Variants in PKN3 observed in about 807,000 individuals in gnomAD.
The protein encoded by PKN3 is serine/threonine-protein kinase N3.
A neutral mutation model predicts 113.1 loss-of-function variants in PKN3; 91 were observed. The observed-to-expected ratio is 0.80, with a 90% CI of 0.68 to 0.96. The LOEUF (loss-of-function observed/expected upper bound fraction) is 0.96. PKN3 is among the 40% of genes least tolerant of loss of function. PKN3 has a pLI of 0.00. For synonymous variants in PKN3, 467 were observed against 499.0 expected (o/e 0.94, Z 0.85); for missense variants, 1,052 against 1,202.2 (o/e 0.88, Z 1.85).
chr9:128,714,366 G>A lies in PKN3; in HGVS notation c.1481+1G>A. 1.3e-6 allele frequency: 2 copies of A among 1,598,318 alleles called. No homozygotes were observed. Among genetic ancestry groups the A allele is most frequent in the Non-Finnish European group, 1.7e-6 (2 of 1,171,110 alleles). ...AGGCCTCTGACCCTGCCACTCCCAG[G>A]TGAGGAGCTCCCTTGCCCTAGACTG... On this transcript the variant is annotated splice_donor_variant, in intron 11 of 21. Transcript: ENST00000291906. LOFTEE classifies it high-confidence loss of function.
At position 128,715,027 on chromosome 9, in the gene PKN3, G is replaced by A. The variant is rs1862299374; in HGVS notation, c.1653-145G>A. 9 of 1,058,892 alleles carry A rather than the reference G, an allele frequency of 8.5e-6. No individual in the cohort carries two copies. The highest frequency in any genetic ancestry group is 1.9e-5 in the Admixed American group (1 of 53,294). 65.6% of individuals were successfully genotyped at this position (1,058,892 alleles called of 1,614,324 possible). On this transcript the variant is annotated intron_variant, in intron 13 of 21. Coordinates refer to ENST00000291906, the MANE Select transcript of PKN3 (RefSeq NM_013355.5). This position sits in a 1 kb window ranked among gnomAD's most constrained non-coding sequence, Gnocchi z 4.1. ...CATTATTGAGCTCCAGCTCTATGCC[G>A]GCTTCTAGGAGTCCTTACTGCAGGG...
chr9:128,718,972 TG>T (rs1167128167), intron 18 of PKN3, among the ~76,000 whole-genome samples: 1 of 146,942 alleles, frequency 6.8e-6, no homozygotes, highest in Non-Finnish European at 1.5e-5. Context: ...CTCGGCTCAC[TG>T]CAGCCTCCAC....
chr9:128,703,589 T>A, intron 1 of PKN3: 1 of 985,272 alleles, frequency 1.0e-6, no homozygotes, highest in Non-Finnish European at 1.2e-6. Flanking sequence ...GGAGAGGTGG[T>A]GTCCTGTTCC....
At chr9:128,718,228 A>ATCC in intron 16 of PKN3, 97 bp from the exon 17 acceptor site, 1 of 898,722 alleles carries the variant, frequency 1.1e-6, no homozygotes, top group Non-Finnish European at 1.9e-6. Context: ...TGGCCGGGAC[A>ATCC]TCCGGGATCC....
Position 128,718,630 on chromosome 9 carries a change from G to T in PKN3, c.2125+5G>T. 1 of 1,613,806 alleles carries T rather than the reference G, an allele frequency of 6.2e-7. No individual in the cohort carries two copies. The highest frequency in any genetic ancestry group is 8.5e-7 in the Non-Finnish European group (1 of 1,179,822). ...ACTTTGGACTCTGCAAGGAAGGTGG[G>T]GGCCGCCCATTGGGATCCATATCTC... On this transcript the variant is annotated splice_donor_5th_base_variant and intron_variant, in intron 18 of 21. Coordinates refer to ENST00000291906, the MANE Select transcript of PKN3 (RefSeq NM_013355.5).
rs758615201 is a variant in PKN3 at position 128,715,500 on chromosome 9, T to G, written c.1808+40T>G. 2 of 1,511,086 alleles carry G rather than the reference T, an allele frequency of 1.3e-6. No individual in the cohort carries two copies. Among genetic ancestry groups the G allele is most frequent in the Admixed American group, 3.4e-5 (2 of 59,396 alleles). The allele number at this position is 1,511,086 out of a possible 1,614,324, so 93.6% of individuals were successfully genotyped here. ...CGCAGGGCACCCAGGATGGCTGGCCTGGGCTGTGGCATCCAGAGGGCAGTT... is the reference window on the plus strand; with the variant it reads ...CGCAGGGCACCCAGGATGGCTGGCCGGGGCTGTGGCATCCAGAGGGCAGTT... On this transcript the variant is annotated intron_variant, in intron 15 of 21. Transcript: ENST00000291906. The surrounding 1 kb of genome is among the most constrained non-coding windows in gnomAD (Gnocchi z 4.1).
rs747170999 is a variant in PKN3, at chr9:128,718,368, GAGA to G, written c.2036_2038del (p.Lys679del). 26 of 1,604,336 alleles carry G rather than the reference GAGA, an allele frequency of 1.6e-5. No homozygotes were observed. The highest frequency in any genetic ancestry group is 8.4e-5 in the Admixed American group (5 of 59,682). On this transcript the variant is annotated inframe_deletion, in exon 17 of 22. Transcript: ENST00000291906. The stretch of plus-strand genomic sequence containing the variant: ...TGTCCTGGGGCTGCAGTTCTTACAC[GAGA>G]AGAAGATCATTTACAGGTGACTTTT...
chr9:128,716,714 C>G, intron 15 of PKN3, 33 bp from the exon 16 acceptor site: 274 of 1,572,368 alleles, frequency 1.7e-4, no homozygotes, highest in Non-Finnish European at 2.2e-4. Flanking sequence ...GGAAAGTTTT[C>G]CTTCCCTCTA....
At position 128,720,194 on chromosome 9, in the gene PKN3, A is replaced by G. The variant is rs1862491724; in HGVS notation, c.2377-9A>G. The G allele has an allele frequency of 6.2e-7, 1 of 1,612,980 alleles. No homozygotes were observed. The highest frequency in any genetic ancestry group is 1.1e-5 in the South Asian group (1 of 90,970). On this transcript the variant is annotated splice_polypyrimidine_tract_variant and intron_variant, in intron 20 of 21. Transcript: ENST00000291906. The surrounding 1 kb of genome is among the most constrained non-coding windows in gnomAD (Gnocchi z 5.5). ...AATGCCCTAAGTGAGCGCCTGTCCTATTGCCCAGCTCCTCCAGAAGTGCCC... is the reference window on the plus strand; with the variant it reads ...AATGCCCTAAGTGAGCGCCTGTCCTGTTGCCCAGCTCCTCCAGAAGTGCCC...
chr9:128,702,923 AG>A lies in PKN3; in HGVS notation c.13del (p.Ala5ArgfsTer18), dbSNP rs1554778833. On this transcript the variant is annotated frameshift_variant, in exon 1 of 22. Coordinates refer to ENST00000291906, the MANE Select transcript of PKN3 (RefSeq NM_013355.5). LOFTEE classifies it high-confidence loss of function. ME[E>X]GAPRQPGPSQ... ...AGCGGCCGGAGCGGCGCCATGGAGG[AG>A]GGGGCGCCGCGGCAGGTGAACGGCG... The A allele has an allele frequency of 2.7e-6, 4 of 1,463,924 alleles. No homozygotes were observed. Among genetic ancestry groups the A allele is most frequent in the Non-Finnish European group, 3.6e-6 (4 of 1,114,686 alleles). The allele number at this position is 1,463,924 out of a possible 1,614,324, so 90.7% of individuals were successfully genotyped here.
chr9:128,711,417 C>T (rs1276401489), intron 6 of PKN3, among the ~76,000 whole-genome samples: 5 of 151,496 alleles, frequency 3.3e-5, no homozygotes, highest in Non-Finnish European at 7.4e-5. Context: ...CGCCATTCTT[C>T]TGCCTCAGCC....
At chr9:128,718,041 A>T (rs542761502) in intron 16 of PKN3, among the ~76,000 whole-genome samples, 27 of 152,000 alleles carry the variant, frequency 1.8e-4, no homozygotes, top group Non-Finnish European at 3.1e-4. Flanking sequence ...TCTCAAAAAA[A>T]AAAAAAATAG....
Position 128,718,325 on chromosome 9 carries a change from C to G in PKN3, c.1986C>G (p.Arg662=). 6.2e-7 allele frequency: 1 copy of G among 1,613,056 alleles called. No homozygotes were observed. Among genetic ancestry groups the G allele is most frequent in the African/African-American group, 1.3e-5 (1 of 74,926 alleles). The part of the protein sequence containing the change: ...HEDVFPEPQA[R]FYVACVVLGL... ...AGTTCTCCCATAACCACCCCTGCAG[C>G]TTCTACGTGGCTTGTGTTGTCCTGG... The change falls in exon 17 of 22, where the codon CGC becomes CGG. Residue 662 remains arginine (R), a splice_region_variant and synonymous_variant. Transcript: ENST00000291906.
chr9:128,713,678 C>A, intron 9 of PKN3, 36 bp downstream of exon 9: 1 of 1,607,268 alleles, frequency 6.2e-7, no homozygotes, highest in South Asian at 1.1e-5. Context: ...TTGGTGGGAC[C>A]CTGGGGCGTC....
chr9:128,714,919 A>G (rs1344163910), intron 13 of PKN3, 54 bp downstream of exon 13: 1 of 1,523,696 alleles, frequency 6.6e-7, no homozygotes, highest in African/African-American at 1.4e-5. Context: ...TTGCTTGAAC[A>G]TTTGTGTATC....
At chr9:128,702,969 C>T in intron 1 of PKN3, 30 bp downstream of exon 1, 2 of 1,372,370 alleles carry the variant, frequency 1.5e-6, no homozygotes, top group South Asian at 1.5e-5. Flanking sequence ...CGCGCGGGCC[C>T]GGGGGGTGCG....
intron 13 of PKN3, 73 bp downstream of exon 13, chr9:128,714,938 C>A: frequency 7.1e-7 from 1 of 1,418,288 alleles, no homozygotes; most frequent in Non-Finnish European, 1.0e-6. Flanking sequence ...TCCATTCATA[C>A]ATTACTCCCT....
rs547767121 is a variant in PKN3, at chr9:128,720,232, C to G, written c.2406C>G (p.Leu802=). Residue 802 remains leucine, a synonymous_variant, in exon 21 of 22, where the codon CTC becomes CTG. Transcript: ENST00000291906. This position sits in a 1 kb window ranked among gnomAD's most constrained non-coding sequence, Gnocchi z 5.5. ...KLLQKCPEKR[L]GAGEQDAEEI... ...TCCAGAAGTGCCCGGAGAAGCGCCT[C>G]GGGGCAGGTGAGCAGGATGCCGAGG... 1.1e-5 allele frequency: 18 copies of G among 1,613,886 alleles called. 2 individuals are homozygous for G. In the South Asian group the frequency reaches 1.9e-4, roughly 17 times the overall value.
In PKN3 at chr9:128,713,211, G is replaced by C. The variant is rs769945786; in HGVS notation, c.982+13G>C. ...GGCGAGCTTGCCAGTGAGTAGGGAA[G>C]GAGCTTCAGGGGGAGCAGGAGACCC... On this transcript the variant is annotated intron_variant, in intron 7 of 21. Coordinates refer to ENST00000291906, the MANE Select transcript of PKN3 (RefSeq NM_013355.5). 1.2e-6 allele frequency: 2 copies of C among 1,608,798 alleles called. No homozygotes were observed. The highest frequency in any genetic ancestry group is 1.7e-6 in the Non-Finnish European group (2 of 1,176,284).
Sources: gnomAD v4.1 joint callset for allele counts (sites outside exome capture counted in the v4.1 genomes callset) on GRCh38, gnomAD v4.1.1 for gene constraint, Gnocchi (gnomAD v3.1) non-coding constraint, MANE v1.5 for transcripts, NCBI Gene and HGNC (gene_info 2026-07-23, HGNC 2026-07-21) for gene names.